GPR158: variants seen among roughly 807,000 people sequenced by gnomAD.
The protein encoded by GPR158 is metabotropic glycine receptor.
GPR158 carries 30 observed loss-of-function variants against 78.2 expected under a neutral mutation model. The observed-to-expected ratio is 0.38, with a 90% confidence interval of 0.29 to 0.52. The LOEUF (loss-of-function observed/expected upper bound fraction) is 0.52. GPR158 is among the 20% of genes least tolerant of loss of function. GPR158 has a pLI of 0.83. For missense variants in GPR158, 1,463 were observed against 1,523.5 expected, an observed-to-expected ratio of 0.96 and a Z score of 0.66; for synonymous variants, 581 against 591.1, an observed-to-expected ratio of 0.98 and a Z score of 0.25.
chr10:25,274,768 A>G (rs937877041), intron 2 of GPR158, among the ~76,000 whole-genome samples: 1 of 152,208 alleles, frequency 6.6e-6, no homozygotes, highest in African/African-American at 2.4e-5. Flanking sequence ...AAGCGTTAAA[A>G]AAAGTTAACT....
chr10:25,254,015 T>A (rs1038934276), intron 2 of GPR158, among the ~76,000 whole-genome samples: 3 of 152,214 alleles, frequency 2.0e-5, no homozygotes, highest in African/African-American at 7.2e-5. Context: ...AATGGAAGGA[T>A]ATGTGTGTAT....
chr10:25,189,635 G>A (rs1366602744), intron 1 of GPR158, among the ~76,000 whole-genome samples: 3 of 151,690 alleles, frequency 2.0e-5, no homozygotes, highest in African/African-American at 7.3e-5. Flanking sequence ...GGGGCCTGTC[G>A]TGGGGTTGGG....
intron 1 of GPR158, among the ~76,000 whole-genome samples, chr10:25,215,542 A>C (rs953904481): frequency 2.6e-5 from 4 of 152,152 alleles, no homozygotes; most frequent in African/African-American, 9.6e-5. Context: ...ACAATTAAAA[A>C]GCGAAAACAT....
rs575602045 is a variant in GPR158 at position 25,340,854 on chromosome 10, G to A, written c.1009-55057G>A. Among the ~76,000 whole-genome samples, 4 of 152,108 alleles carry A rather than the reference G, an allele frequency of 2.6e-5. No homozygotes were observed. The East Asian group carries it at 7.7e-4, about 29-fold the overall frequency. Reference sequence around the variant, plus strand: ...ACTGGTGAGAGAAATCAAGCCACAGGAAGTACTATTAACTCCAAAGAAGTA... The same window carrying A: ...ACTGGTGAGAGAAATCAAGCCACAGAAAGTACTATTAACTCCAAAGAAGTA... On this transcript the variant is annotated intron_variant, in intron 2 of 10. Transcript: ENST00000376351.
At chr10:25,265,666 G>T (rs1226740435) in intron 2 of GPR158, among the ~76,000 whole-genome samples, 1 of 152,086 alleles carries the variant, frequency 6.6e-6, no homozygotes, top group Non-Finnish European at 1.5e-5. Flanking sequence ...GCAGGTTATT[G>T]AAAGAATGAA....
chr10:25,335,514 A>G (rs753327040), intron 2 of GPR158, among the ~76,000 whole-genome samples: 7 of 151,964 alleles, frequency 4.6e-5, no homozygotes, highest in Non-Finnish European at 8.8e-5. Flanking sequence ...TTCTTCTGCT[A>G]TTGCTTTATT....
At chr10:25,264,508 C>T (rs1854014743) in intron 2 of GPR158, among the ~76,000 whole-genome samples, 1 of 152,222 alleles carries the variant, frequency 6.6e-6, no homozygotes, top group South Asian at 2.1e-4. Context: ...AATATTACTC[C>T]CAACCCAAAT....
intron 2 of GPR158, among the ~76,000 whole-genome samples, chr10:25,342,395 C>T (rs560643633): frequency 6.6e-6 from 1 of 151,874 alleles, no homozygotes; most frequent in Non-Finnish European, 1.5e-5. Context: ...ATCCTAATAC[C>T]TGTTTTTCTT....
intron 4 of GPR158, among the ~76,000 whole-genome samples, chr10:25,442,145 T>C (rs529931950): frequency 2.6e-5 from 4 of 152,284 alleles, no homozygotes; most frequent in Admixed American, 2.6e-4. Flanking sequence ...CTACTCTGGG[T>C]GTTTAGCAGC....
intron 5 of GPR158, among the ~76,000 whole-genome samples, chr10:25,512,623 A>G (rs116365249): frequency 0.017 from 2,615 of 152,230 alleles, 65 homozygotes; most frequent in African/African-American, 0.06. Flanking sequence ...CTCAGGGGGA[A>G]TGCTCTCAAC....
chr10:25,453,212 C>G (rs949017320), intron 4 of GPR158, among the ~76,000 whole-genome samples: 2 of 152,174 alleles, frequency 1.3e-5, no homozygotes, highest in Admixed American at 6.5e-5. Flanking sequence ...CTTCGACATA[C>G]TGATTTCATT....
intron 3 of GPR158, among the ~76,000 whole-genome samples, chr10:25,405,093 C>T (rs1043035806): frequency 6.6e-6 from 1 of 152,006 alleles, no homozygotes; most frequent in African/African-American, 2.4e-5. Context: ...TATGAAAGAA[C>T]CTTAATTTAT....
intron 5 of GPR158, among the ~76,000 whole-genome samples, chr10:25,477,431 CAACAGAATGTTCCA>C (rs1346610650): frequency 1.3e-5 from 2 of 152,140 alleles, no homozygotes; most frequent in Non-Finnish European, 2.9e-5. Flanking sequence ...TGTTCTAATG[CAACAGAATGTTCCA>C]AACTCATTTT....
At chr10:25,559,002 C>T (rs942865866) in intron 6 of GPR158, among the ~76,000 whole-genome samples, 3 of 152,104 alleles carry the variant, frequency 2.0e-5, no homozygotes, top group African/African-American at 4.8e-5. Flanking sequence ...TTCAAATCTT[C>T]GATATCCCTA....
At chr10:25,428,040 G>A (rs947661275) in intron 4 of GPR158, among the ~76,000 whole-genome samples, 3 of 151,902 alleles carry the variant, frequency 2.0e-5, no homozygotes, top group African/African-American at 7.2e-5. Flanking sequence ...GAATGAGTTG[G>A]AATATATAAA....
intron 5 of GPR158, among the ~76,000 whole-genome samples, chr10:25,522,375 A>G (rs900966943): frequency 6.6e-6 from 1 of 152,156 alleles, no homozygotes; most frequent in Non-Finnish European, 1.5e-5. Context: ...TCCTGTTTTC[A>G]AGGAAATTGT....
chr10:25,202,284 G>C (rs182576194), intron 1 of GPR158, among the ~76,000 whole-genome samples: 1 of 151,608 alleles, frequency 6.6e-6, no homozygotes, highest in Non-Finnish European at 1.5e-5. Context: ...TAAGTTCTAG[G>C]GTACATGTGC....
intron 2 of GPR158, among the ~76,000 whole-genome samples, chr10:25,254,779 T>C (rs995179918): frequency 6.6e-6 from 1 of 152,354 alleles, no homozygotes; most frequent in Middle Eastern, 3.4e-3. Flanking sequence ...ATTAGTGTAA[T>C]GTATTTCTTG....
chr10:25,460,461 C>T lies in GPR158; in HGVS notation c.1336-6190C>T, dbSNP rs538548554. Among the ~76,000 whole-genome samples the T allele has an allele frequency of 4.4e-4, 67 of 152,312 alleles. No individual in the cohort carries two copies. In the East Asian group the frequency reaches 0.013, roughly 29 times the overall value. On this transcript the variant is annotated intron_variant, in intron 4 of 10. Transcript: ENST00000376351. ...CCGCCCACCTCGGCCTCCCTAAGTG[C>T]TGGGATTACAGGCTTGAGCCACCAT... is the stretch of plus-strand genomic sequence containing the variant.
Sources: allele counts gnomAD v4.1 joint callset (sites outside exome capture counted in the v4.1 genomes callset), GRCh38; gene constraint gnomAD v4.1.1; transcripts MANE v1.5; gene names NCBI Gene and HGNC (gene_info 2026-07-23, HGNC 2026-07-21).